The following GRIN2A variants were observed in gnomAD, a reference collection of about 807,000 sequenced individuals.
GRIN2A encodes glutamate receptor ionotropic, NMDA 2A.
Under a neutral mutation model 113.4 loss-of-function variants are expected in GRIN2A, and 22 were observed. The ratio of observed to expected loss-of-function variants is 0.19; its 90% CI spans 0.14 to 0.28. GRIN2A has a LOEUF of 0.28. GRIN2A is among the 10% of genes least tolerant of loss of function. The pLI is 1.00. For missense variants in GRIN2A, 1,502 were observed against 1,887.0 expected, an observed-to-expected ratio of 0.80 and a Z score of 3.78; for synonymous variants, 827 against 738.4, an observed-to-expected ratio of 1.12 and a Z score of -1.94.
At chr16:10,005,414 G>A (rs2046389070) in intron 2 of GRIN2A, among the ~76,000 whole-genome samples, 1 of 152,098 alleles carries the variant, frequency 6.6e-6, no homozygotes, top group Non-Finnish European at 1.5e-5. Flanking sequence ...CACATTAACT[G>A]CTATTTTTCA....
chr16:9,821,544 A>G (rs2042285320), intron 10 of GRIN2A, among the ~76,000 whole-genome samples: 1 of 152,178 alleles, frequency 6.6e-6, no homozygotes, highest in Non-Finnish European at 1.5e-5. Flanking sequence ...ACAATAAATA[A>G]CAACACTCAC....
At position 9,892,948 on chromosome 16, in the gene GRIN2A, A is replaced by AAAG. The variant is rs554206395; in HGVS notation, c.1008-1851_1008-1849dup. On this transcript the variant is annotated intron_variant, in intron 3 of 12. Transcript: ENST00000330684. ...GCTAAAAAGTGAAAAAAAAAAAAAAAAAGAAGAAGAAGAAGAAGAGAACTA... is the reference window on the plus strand; with the variant it reads ...GCTAAAAAGTGAAAAAAAAAAAAAAAAAGAAGAAGAAGAAGAAGAAGAGAACTA... Among the ~76,000 whole-genome samples, 13 of 146,492 alleles carry AAAG rather than the reference A, an allele frequency of 8.9e-5. No individual in the cohort carries two copies. The East Asian group carries it at 2.1e-3, about 24-fold the overall frequency.
chr16:10,074,310 A>ATCCTGTTG (rs2047824967), intron 2 of GRIN2A, among the ~76,000 whole-genome samples: 1 of 152,262 alleles, frequency 6.6e-6, no homozygotes, highest in African/African-American at 2.4e-5. Flanking sequence ...TATGGAAAAC[A>ATCCTGTTG]GTACGACAGT....
At chr16:10,151,777 T>C (rs745840462) in intron 2 of GRIN2A, among the ~76,000 whole-genome samples, 5 of 152,116 alleles carry the variant, frequency 3.3e-5, no homozygotes, top group Non-Finnish European at 7.4e-5. Context: ...GGCCTCCGAG[T>C]TCGAGGCATT....
intron 2 of GRIN2A, among the ~76,000 whole-genome samples, chr16:10,149,540 C>T (rs1169409608): frequency 6.6e-6 from 1 of 152,170 alleles, no homozygotes; most frequent in Non-Finnish European, 1.5e-5. Context: ...ATCATTCTTT[C>T]TCTCTCATTC....
chr16:10,166,390 T>C (rs886859430), intron 2 of GRIN2A, among the ~76,000 whole-genome samples: 1 of 152,140 alleles, frequency 6.6e-6, no homozygotes, highest in African/African-American at 2.4e-5. Context: ...AAGGCTTAGA[T>C]TGTGAACTCA....
chr16:9,985,473 T>C (rs981632938), intron 2 of GRIN2A, among the ~76,000 whole-genome samples: 1 of 152,046 alleles, frequency 6.6e-6, no homozygotes. Flanking sequence ...ATAAAGAAAA[T>C]GTGGTACATA....
intron 2 of GRIN2A, among the ~76,000 whole-genome samples, chr16:10,138,175 C>A (rs2049242121): frequency 6.6e-6 from 1 of 152,170 alleles, no homozygotes; most frequent in African/African-American, 2.4e-5. Context: ...TTCCATCAAG[C>A]CTAAATCATA....
chr16:10,066,267 G>C (rs1353402965), intron 2 of GRIN2A, among the ~76,000 whole-genome samples: 2 of 152,302 alleles, frequency 1.3e-5, no homozygotes, highest in African/African-American at 4.8e-5. Flanking sequence ...TCTGGGGAGG[G>C]TTGCCTGAAC....
Position 9,756,013 on chromosome 16 carries a change from A to AG in GRIN2A, c.*7135dup, listed in dbSNP as rs1900336699. The AG allele has an allele frequency of 4.5e-6, 1 of 220,768 alleles. No homozygotes were observed. The highest frequency in any genetic ancestry group is 2.2e-5 in the African/African-American group (1 of 44,642). 13.7% of individuals were successfully genotyped at this position (220,768 alleles called of 1,614,324 possible). ...GAAACTCATTCCATCTGCCTGGCAA[A>AG]GATAACCAAACATAGACATGAAATA... is the stretch of plus-strand genomic sequence containing the variant. On this transcript the variant is annotated 3_prime_UTR_variant, in exon 13 of 13. Coordinates refer to ENST00000330684, the MANE Select transcript of GRIN2A (RefSeq NM_001134407.3).
At chr16:10,033,504 A>C (rs554937543) in intron 2 of GRIN2A, among the ~76,000 whole-genome samples, 1 of 152,220 alleles carries the variant, frequency 6.6e-6, no homozygotes, top group African/African-American at 2.4e-5. Context: ...GAGGGGTTAG[A>C]ACAGGGCCAT....
chr16:10,145,454 T>A (rs1029584651), intron 2 of GRIN2A, among the ~76,000 whole-genome samples: 16 of 152,226 alleles, frequency 1.1e-4, no homozygotes, highest in African/African-American at 3.9e-4. Context: ...ACTCATCAAA[T>A]TATGTATATT....
At chr16:10,128,984 A>G (rs1278702230) in intron 2 of GRIN2A, among the ~76,000 whole-genome samples, 1 of 152,162 alleles carries the variant, frequency 6.6e-6, no homozygotes, top group Non-Finnish European at 1.5e-5. Flanking sequence ...GCACGCTCTT[A>G]TTTCATCCCC....
At chr16:9,949,745 G>GTGGGTGGATGGATGGA (rs2141669369) in intron 2 of GRIN2A, among the ~76,000 whole-genome samples, 1 of 151,358 alleles carries the variant, frequency 6.6e-6, no homozygotes, top group Non-Finnish European at 1.5e-5. Context: ...GGATGGGTGG[G>GTGGGTGGATGGATGGA]TGGGTGGATG....
In GRIN2A at chr16:10,015,536, T is replaced by C. The variant is rs150814608; in HGVS notation, c.415-76985A>G. 2.8e-3 allele frequency among the ~76,000 whole-genome samples: 421 copies of C among 152,260 alleles called. 5 individuals are homozygous for C. Among genetic ancestry groups the C allele is most frequent in the Middle Eastern group, 0.01 (3 of 294 alleles). Reference sequence around the variant, plus strand: ...TTTTTTCAAAAAAAGACTCCCTGATTCCGAATGCGCTTTAAATTTCTGAAC... The same window carrying C: ...TTTTTTCAAAAAAAGACTCCCTGATCCCGAATGCGCTTTAAATTTCTGAAC... On this transcript the variant is annotated intron_variant, in intron 2 of 12. Coordinates refer to ENST00000330684, the MANE Select transcript of GRIN2A (RefSeq NM_001134407.3).
chr16:9,987,238 G>A (rs768021568), intron 2 of GRIN2A, among the ~76,000 whole-genome samples: 9 of 152,156 alleles, frequency 5.9e-5, no homozygotes, highest in East Asian at 3.8e-4. Context: ...CCCAGACCTC[G>A]CTAAATGATT....
At chr16:10,106,415 T>TA (rs1240061006) in intron 2 of GRIN2A, among the ~76,000 whole-genome samples, 1 of 151,804 alleles carries the variant, frequency 6.6e-6, no homozygotes, top group Admixed American at 6.6e-5. Context: ...TGTTTTAATT[T>TA]AAAAAAATTT....
chr16:10,057,002 C>T (rs1244890807), intron 2 of GRIN2A, among the ~76,000 whole-genome samples: 1 of 151,968 alleles, frequency 6.6e-6, no homozygotes, highest in African/African-American at 2.4e-5. Context: ...CTATACAACC[C>T]TCCACCCCTC....
At chr16:10,003,656 A>C (rs531054404) in intron 2 of GRIN2A, among the ~76,000 whole-genome samples, 6 of 152,344 alleles carry the variant, frequency 3.9e-5, no homozygotes, top group African/African-American at 1.4e-4. Context: ...CATGAGAATG[A>C]GTAAAACCTT....
Sources: gnomAD v4.1 joint callset for allele counts (sites outside exome capture counted in the v4.1 genomes callset) on GRCh38, gnomAD v4.1.1 for gene constraint, MANE v1.5 for transcripts, NCBI Gene and HGNC (gene_info 2026-07-23, HGNC 2026-07-21) for gene names.